Variants in ADAM23 observed in about 807,000 individuals in gnomAD.
ADAM23 encodes disintegrin and metalloproteinase domain-containing protein 23.
ADAM23 carries 33 observed loss-of-function variants against 120.1 expected under a neutral mutation model. The ratio of observed to expected loss-of-function variants is 0.27; its 90% confidence interval spans 0.21 to 0.37. ADAM23 has a LOEUF of 0.37. ADAM23 is among the 10% of genes least tolerant of loss of function. The pLI is 1.00. For synonymous variants in ADAM23, 367 were observed against 375.2 expected, an observed-to-expected ratio of 0.98 and a Z score of 0.25; for missense variants, 862 against 1,058.2, an observed-to-expected ratio of 0.81 and a Z score of 2.57.
chr2:206,585,253 G>A (rs1698300424), intron 18 of ADAM23, among the ~76,000 whole-genome samples: 1 of 152,182 alleles, frequency 6.6e-6, no homozygotes, highest in Admixed American at 6.5e-5. Flanking sequence ...ATCACTGGTT[G>A]CATAAGGTTA....
chr2:206,530,447 T>C lies in ADAM23; in HGVS notation c.510-438T>C, dbSNP rs548940941. Among the ~76,000 whole-genome samples the C allele has an allele frequency of 1.2e-4, 18 of 152,300 alleles. No individual in the cohort carries two copies. In the South Asian group the frequency reaches 2.7e-3, roughly 23 times the overall value. ...ATAATTGTGGAATTTTTATAGGATC[T>C]GTCTCCTCAAGTTACTTGCCTTTTG... On this transcript the variant is annotated intron_variant, in intron 3 of 25. Transcript: ENST00000264377.
At chr2:206,484,735 G>C (rs1574491527) in intron 3 of ADAM23, among the ~76,000 whole-genome samples, 1 of 152,206 alleles carries the variant, frequency 6.6e-6, no homozygotes, top group Non-Finnish European at 1.5e-5. Context: ...TATCTCCCTT[G>C]ATATGGTTTG....
In ADAM23 at chr2:206,588,151, A is replaced by T. The variant is rs768444820; in HGVS notation, c.1849A>T (p.Thr617Ser). 1 of 1,613,918 alleles carries T rather than the reference A, an allele frequency of 6.2e-7. No individual in the cohort carries two copies. Among genetic ancestry groups the T allele is most frequent in the African/African-American group, 1.3e-5 (1 of 74,912 alleles). ...RDNQCQYIWG[T>S]KAAGSDKFCY... ...CAACCAGTGTCAGTACATCTGGGGA[A>T]CAAGTAGGTCGCACCTCCTTGCTTG... Residue 617 changes from threonine (T) to serine (S), a missense_variant, in exon 20 of 26, where the codon ACA becomes TCA. Around this residue, in one of 4 missense-constraint regions of ADAM23, gnomAD observed 617 missense variants for 813.5 expected, o/e 0.76. Coordinates refer to ENST00000264377, the MANE Select transcript of ADAM23 (RefSeq NM_003812.4).
At chr2:206,456,264 A>G (rs1024390082) in intron 2 of ADAM23, among the ~76,000 whole-genome samples, 2 of 152,044 alleles carry the variant, frequency 1.3e-5, no homozygotes, top group Non-Finnish European at 2.9e-5. Flanking sequence ...CAAGGGGGGA[A>G]GTGCCACACA....
chr2:206,559,929 G>T, intron 10 of ADAM23, 26 bp from the exon 11 acceptor site: 1 of 1,591,014 alleles, frequency 6.3e-7, no homozygotes, highest in South Asian at 1.1e-5. Context: ...TTTTCCTCCT[G>T]CACCTGTCCT....
At chr2:206,561,254 C>G (rs753890587) in intron 12 of ADAM23, 42 bp downstream of exon 12, 3 of 1,544,116 alleles carry the variant, frequency 1.9e-6, no homozygotes, top group African/African-American at 1.4e-5. Flanking sequence ...CATCTGTTCT[C>G]TTTTTTCCCT....
rs1374738499 is a variant in ADAM23, at chr2:206,526,169, CACACACACACAGACACACACAG to C, written c.510-4709_510-4688del. 2.7e-3 allele frequency among the ~76,000 whole-genome samples: 407 copies of C among 151,498 alleles called. 2 individuals carry two copies. Among genetic ancestry groups the C allele is most frequent in the African/African-American group, 9.3e-3 (387 of 41,412 alleles). On this transcript the variant is annotated intron_variant, in intron 3 of 25. Coordinates refer to ENST00000264377, the MANE Select transcript of ADAM23 (RefSeq NM_003812.4). Reference sequence around the variant, plus strand: ...ACACACACACACACACACACACACACACACACACACAGACACACACAGACACACGTCTATACACATACATATA... The same window carrying C: ...ACACACACACACACACACACACACACACACACGTCTATACACATACATATA...
intron 3 of ADAM23, among the ~76,000 whole-genome samples, chr2:206,495,439 C>T (rs1375620385): frequency 6.6e-6 from 1 of 152,116 alleles, no homozygotes; most frequent in Admixed American, 6.6e-5. Flanking sequence ...CCTTTACAGA[C>T]AAGCAAATGC....
At chr2:206,509,710 A>G (rs969631383) in intron 3 of ADAM23, among the ~76,000 whole-genome samples, 1 of 152,234 alleles carries the variant, frequency 6.6e-6, no homozygotes, top group African/African-American at 2.4e-5. Context: ...TGGCCTCCCA[A>G]AGTGCTGGGA....
At chr2:206,558,985 C>CT in intron 10 of ADAM23, among the ~76,000 whole-genome samples, 1 of 152,130 alleles carries the variant, frequency 6.6e-6, no homozygotes, top group East Asian at 1.9e-4. Flanking sequence ...TGCTCTGTTG[C>CT]CCAGGCTGGA....
At chr2:206,481,150 G>A (rs542908957) in intron 2 of ADAM23, 82 bp from the exon 3 acceptor site, 55 of 1,067,858 alleles carry the variant, frequency 5.2e-5, no homozygotes, top group East Asian at 2.7e-4. Context: ...AAAGTTATTC[G>A]TCTTAAATAT....
chr2:206,531,302 T>C (rs1231418039), intron 4 of ADAM23, among the ~76,000 whole-genome samples: 3 of 152,182 alleles, frequency 2.0e-5, no homozygotes, highest in Non-Finnish European at 2.9e-5. Flanking sequence ...AACGGTTCTT[T>C]AGTGCAAATG....
In ADAM23 at chr2:206,576,915, T is replaced by C. The variant is rs371806763; in HGVS notation, c.1737+3720T>C. Among the ~76,000 whole-genome samples, 114 of 152,278 alleles carry C rather than the reference T, an allele frequency of 7.5e-4. 4 individuals are homozygous for C. The East Asian group carries it at 9.1e-3, about 12-fold the overall frequency. ...AGTGCTATGAAATATGTCATCTAAG[T>C]GGGTAGTATAACATAATTTAAAATA... On this transcript the variant is annotated intron_variant, in intron 18 of 25. Transcript: ENST00000264377.
At chr2:206,490,435 A>G (rs1696108647) in intron 3 of ADAM23, among the ~76,000 whole-genome samples, 1 of 152,218 alleles carries the variant, frequency 6.6e-6, no homozygotes. Context: ...CCCTTATACT[A>G]TGATTTTCAA....
At chr2:206,482,532 G>A (rs1353252641) in intron 3 of ADAM23, among the ~76,000 whole-genome samples, 2 of 152,162 alleles carry the variant, frequency 1.3e-5, no homozygotes, top group East Asian at 3.9e-4. Context: ...CTCAGCCATA[G>A]CAGAGCCTCC....
intron 3 of ADAM23, among the ~76,000 whole-genome samples, chr2:206,517,919 T>C (rs1696767430): frequency 2.0e-5 from 3 of 152,344 alleles, no homozygotes; most frequent in South Asian, 4.1e-4. Flanking sequence ...CTGAAAGACC[T>C]AAATAGAATA....
At chr2:206,529,629 C>T (rs77098051) in intron 3 of ADAM23, among the ~76,000 whole-genome samples, 5,117 of 152,148 alleles carry the variant, frequency 0.034, 144 homozygotes, top group East Asian at 0.089. Flanking sequence ...AAACTCCTGG[C>T]CTCAAACAAT....
At position 206,550,166 on chromosome 2, in the gene ADAM23, A is replaced by C; in HGVS notation, c.933+6A>C. 6.5e-7 allele frequency: 1 copy of C among 1,545,198 alleles called. No individual in the cohort carries two copies. The highest frequency in any genetic ancestry group is 1.1e-5 in the South Asian group (1 of 87,700). On this transcript the variant is annotated splice_donor_region_variant and intron_variant, in intron 9 of 25. Coordinates refer to ENST00000264377, the MANE Select transcript of ADAM23 (RefSeq NM_003812.4). Reference sequence around the variant, plus strand: ...TTGTTAATGATCACAAAACGGTAAGAATATAGAGTCAGTGGGTTTTAGAAC... The same window carrying C: ...TTGTTAATGATCACAAAACGGTAAGCATATAGAGTCAGTGGGTTTTAGAAC...
intron 12 of ADAM23, among the ~76,000 whole-genome samples, chr2:206,561,713 A>G (rs1697771641): frequency 6.6e-6 from 1 of 152,176 alleles, no homozygotes; most frequent in African/African-American, 2.4e-5. Flanking sequence ...TTTCAGTTTT[A>G]TAAAGGAAAT....
Sources: allele counts gnomAD v4.1 joint callset (sites outside exome capture counted in the v4.1 genomes callset), GRCh38; gene constraint gnomAD v4.1.1; regional missense constraint gnomAD v4.1.1; transcripts MANE v1.5; gene names NCBI Gene and HGNC (gene_info 2026-07-23, HGNC 2026-07-21).